The following DLG2 variants were observed in gnomAD, a reference collection of about 807,000 sequenced individuals.
The protein encoded by DLG2 is discs large MAGUK scaffold protein 2, also known as disks large homolog 2.
Under a neutral mutation model 132.5 loss-of-function variants are expected in DLG2, and 45 were observed. The ratio of observed to expected loss-of-function variants is 0.34; its 90% CI spans 0.27 to 0.44. The LOEUF (loss-of-function observed/expected upper bound fraction) is 0.44. DLG2 is among the 20% of genes least tolerant of loss of function. The pLI is 1.00. For missense variants in DLG2, 1,045 were observed against 1,196.9 expected (o/e 0.87, Z 1.87); for synonymous variants, 424 against 419.6 (o/e 1.01, Z -0.13).
At chr11:84,835,891 T>C (rs1487357801) in intron 6 of DLG2, among the ~76,000 whole-genome samples, 1 of 151,692 alleles carries the variant, frequency 6.6e-6, no homozygotes, top group Non-Finnish European at 1.5e-5. Flanking sequence ...GCTGGAAAAA[T>C]GTAGAATTTA....
At chr11:84,037,025 A>G (rs2853024) in intron 11 of DLG2, among the ~76,000 whole-genome samples, 132,796 of 152,122 alleles carry the variant, frequency 0.87, 58,222 homozygotes, top group Middle Eastern at 0.93. Context: ...AATGCTTATT[A>G]TCAGTAACAA....
intron 4 of DLG2, among the ~76,000 whole-genome samples, chr11:85,172,998 G>A (rs2078983851): frequency 6.6e-6 from 1 of 152,134 alleles, no homozygotes; most frequent in African/African-American, 2.4e-5. Flanking sequence ...ATGAATGATT[G>A]GGGTACCTGA....
intron 3 of DLG2, among the ~76,000 whole-genome samples, chr11:85,569,515 T>G (rs985154112): frequency 6.6e-6 from 1 of 152,236 alleles, no homozygotes; most frequent in African/African-American, 2.4e-5. Context: ...TTCAACATAT[T>G]TGTGATTTTT....
intron 6 of DLG2, among the ~76,000 whole-genome samples, chr11:84,758,050 AC>A: frequency 6.6e-6 from 1 of 152,350 alleles, no homozygotes; most frequent in East Asian, 1.9e-4. Flanking sequence ...GCCATAACAT[AC>A]TTTACAACTG....
intron 7 of DLG2, among the ~76,000 whole-genome samples, chr11:84,526,796 T>G (rs1204373569): frequency 2.4e-4 from 35 of 148,062 alleles, no homozygotes; most frequent in African/African-American, 8.4e-4. Context: ...TTTTTTTTTT[T>G]GAGACGGAGT....
chr11:83,553,239 T>G (rs1365887229), intron 19 of DLG2, among the ~76,000 whole-genome samples: 1 of 152,182 alleles, frequency 6.6e-6, no homozygotes, highest in Non-Finnish European at 1.5e-5. Flanking sequence ...TGACATCAAC[T>G]CTAAGATTTT....
Position 85,229,064 on chromosome 11 carries a change from A to G in DLG2, c.186+56156T>C, listed in dbSNP as rs114933045. On this transcript the variant is annotated intron_variant, in intron 4 of 27. Coordinates refer to ENST00000376104, the MANE Select transcript of DLG2 (RefSeq NM_001142699.3). ...TCACTGTCCACACTGAATTAATGTT[A>G]TACCACTTCACATACATCACATATA... Among the ~76,000 whole-genome samples, 360 of 151,982 alleles carry G rather than the reference A, an allele frequency of 2.4e-3. 1 individual carries two copies. Among genetic ancestry groups the G allele is most frequent in the African/African-American group, 8.3e-3 (345 of 41,512 alleles).
At chr11:84,350,953 T>TA (rs1373020127) in intron 7 of DLG2, among the ~76,000 whole-genome samples, 1 of 152,092 alleles carries the variant, frequency 6.6e-6, no homozygotes, top group Admixed American at 6.5e-5. Flanking sequence ...CTTTTCAATG[T>TA]AAAAAAATGC....
intron 3 of DLG2, among the ~76,000 whole-genome samples, chr11:85,400,002 A>G (rs1439813923): frequency 2.6e-5 from 4 of 152,180 alleles, no homozygotes; most frequent in African/African-American, 2.4e-5. Flanking sequence ...GCAACCTACA[A>G]AATGGGAGAA....
chr11:85,455,581 A>G (rs531870052), intron 3 of DLG2, among the ~76,000 whole-genome samples: 1 of 152,206 alleles, frequency 6.6e-6, no homozygotes, highest in Non-Finnish European at 1.5e-5. Flanking sequence ...GTGGTGAGAG[A>G]GGGTGTACTG....
At chr11:84,024,087 G>C (rs1446576039) in intron 11 of DLG2, among the ~76,000 whole-genome samples, 8 of 152,092 alleles carry the variant, frequency 5.3e-5, no homozygotes, top group Non-Finnish European at 7.4e-5. Context: ...GTGATATGTG[G>C]ATTTTCAATT....
At chr11:84,750,185 G>C (rs1224940438) in intron 6 of DLG2, among the ~76,000 whole-genome samples, 2 of 151,970 alleles carry the variant, frequency 1.3e-5, no homozygotes, top group Admixed American at 6.6e-5. Context: ...TTAAGTTCTA[G>C]GGTACATGTG....
chr11:83,998,571 G>A (rs1007367923), intron 11 of DLG2, among the ~76,000 whole-genome samples: 41 of 152,334 alleles, frequency 2.7e-4, no homozygotes, highest in African/African-American at 8.7e-4. Flanking sequence ...AAGTATAAAT[G>A]AGACATCTTT....
chr11:85,098,401 G>C (rs943894159), intron 6 of DLG2, among the ~76,000 whole-genome samples: 3 of 152,122 alleles, frequency 2.0e-5, no homozygotes, highest in Admixed American at 1.3e-4. Flanking sequence ...TTTTGGTTTT[G>C]TATAGATCTT....
chr11:84,722,916 G>A (rs929411385), intron 6 of DLG2, among the ~76,000 whole-genome samples: 18 of 152,268 alleles, frequency 1.2e-4, no homozygotes, highest in Non-Finnish European at 2.6e-4. Context: ...TAATCTATAC[G>A]TTCTTAAATG....
At chr11:84,243,132 C>T (rs1160551373) in intron 8 of DLG2, among the ~76,000 whole-genome samples, 1 of 151,636 alleles carries the variant, frequency 6.6e-6, no homozygotes, top group South Asian at 2.1e-4. Context: ...TATGTATTGC[C>T]TACAACAGCT....
chr11:83,681,034 A>T (rs2078697748), intron 18 of DLG2, among the ~76,000 whole-genome samples: 1 of 152,328 alleles, frequency 6.6e-6, no homozygotes, highest in South Asian at 2.1e-4. Context: ...TTATGGGTTT[A>T]GAAGACAGTA....
Position 83,860,652 on chromosome 11 carries a change from T to C in DLG2, c.1565+13768A>G, listed in dbSNP as rs192515293. On this transcript the variant is annotated intron_variant, in intron 16 of 27. Transcript: ENST00000376104. Reference sequence around the variant, plus strand: ...GGACTTTGGACTTTTGAGTTAATGCTGAAATGAGTTAAGACTTTGGGGGAC... The same window carrying C: ...GGACTTTGGACTTTTGAGTTAATGCCGAAATGAGTTAAGACTTTGGGGGAC... Among the ~76,000 whole-genome samples, 767 of 150,380 alleles carry C rather than the reference T, an allele frequency of 5.1e-3. 4 individuals are homozygous for C. Among genetic ancestry groups the C allele is most frequent in the Middle Eastern group, 0.021 (6 of 288 alleles).
intron 7 of DLG2, among the ~76,000 whole-genome samples, chr11:84,365,148 C>G (rs1490086531): frequency 6.6e-6 from 1 of 151,888 alleles, no homozygotes; most frequent in Non-Finnish European, 1.5e-5. Flanking sequence ...GTCCTGGACT[C>G]TTTTTGGTTG....
Sources: allele counts gnomAD v4.1 joint callset (sites outside exome capture counted in the v4.1 genomes callset), GRCh38; gene constraint gnomAD v4.1.1; transcripts MANE v1.5; gene names NCBI Gene and HGNC (gene_info 2026-07-23, HGNC 2026-07-21).